Variants in GRK3 observed in about 807,000 individuals in gnomAD.
The protein encoded by GRK3 is G protein-coupled receptor kinase 3.
Under a neutral mutation model 95.7 loss-of-function variants are expected in GRK3, and 54 were observed. The observed-to-expected ratio is 0.56, with a 90% CI of 0.45 to 0.71. The LOEUF (loss-of-function observed/expected upper bound fraction) is 0.71. Ranked by LOEUF, GRK3 falls within the 30% of genes least tolerant of loss-of-function variation. GRK3 has a pLI of 0.00. For synonymous variants in GRK3, 281 were observed against 290.8 expected, an observed-to-expected ratio of 0.97 and a Z score of 0.34; for missense variants, 649 against 851.2, an observed-to-expected ratio of 0.76 and a Z score of 2.96.
At chr22:25,721,051 C>T (rs1302572747) in intron 19 of GRK3, among the ~76,000 whole-genome samples, 4 of 152,144 alleles carry the variant, frequency 2.6e-5, no homozygotes, top group Admixed American at 6.6e-5. Context: ...ACAGCTTTGC[C>T]GTTTTTCCCT....
At chr22:25,648,475 TG>T in intron 3 of GRK3, 2 of 1,369,798 alleles carry the variant, frequency 1.5e-6, no homozygotes, top group Non-Finnish European at 2.1e-6. Flanking sequence ...TTTGGCAAAG[TG>T]TGGATGGGAA....
intron 6 of GRK3, among the ~76,000 whole-genome samples, chr22:25,670,483 A>AGAGT (rs2084972068): frequency 6.6e-6 from 1 of 152,046 alleles, no homozygotes; most frequent in African/African-American, 2.4e-5. Flanking sequence ...CCTGGGACAC[A>AGAGT]GAGTGAGACC....
intron 8 of GRK3, among the ~76,000 whole-genome samples, chr22:25,677,747 T>A (rs2085043160): frequency 6.6e-6 from 1 of 152,226 alleles, no homozygotes; most frequent in Non-Finnish European, 1.5e-5. Context: ...CTGAAGGAAG[T>A]AGTCCATCAT....
At chr22:25,706,685 C>T (rs1032320536) in intron 15 of GRK3, among the ~76,000 whole-genome samples, 2 of 152,132 alleles carry the variant, frequency 1.3e-5, no homozygotes, top group African/African-American at 4.8e-5. Context: ...TGTGCACCAC[C>T]ACGCCCAGCT....
At chr22:25,688,212 G>A (rs2085136644) in intron 11 of GRK3, among the ~76,000 whole-genome samples, 1 of 133,052 alleles carries the variant, frequency 7.5e-6, no homozygotes, top group Admixed American at 8.9e-5. Flanking sequence ...CTCCAGCCTG[G>A]ACAACAGAGC....
At chr22:25,595,071 A>G (rs2084363242) in intron 1 of GRK3, among the ~76,000 whole-genome samples, 1 of 152,198 alleles carries the variant, frequency 6.6e-6, no homozygotes, top group Non-Finnish European at 1.5e-5. Flanking sequence ...ATCATATTGA[A>G]TGAGCAAAAG....
At chr22:25,660,564 C>T (rs1025299817) in intron 3 of GRK3, among the ~76,000 whole-genome samples, 1 of 152,128 alleles carries the variant, frequency 6.6e-6, no homozygotes, top group Non-Finnish European at 1.5e-5. Flanking sequence ...CTTTTTCCCT[C>T]ACCTGCATGA....
rs2084757595 is a variant in GRK3 at position 25,643,394 on chromosome 22, T to C, written c.191-1198T>C. 3.9e-5 allele frequency among the ~76,000 whole-genome samples: 6 copies of C among 152,334 alleles called. No homozygotes were observed. In the South Asian group the frequency reaches 1.0e-3, roughly 26 times the overall value. On this transcript the variant is annotated intron_variant, in intron 2 of 20. Transcript: ENST00000324198. ...TTCAAAGGCCACGTTCCGGGAACTA[T>C]GAGGGGAATTTATGGATCAGTTACA... is the stretch of plus-strand genomic sequence containing the variant.
At chr22:25,588,016 C>T (rs1932373611) in intron 1 of GRK3, among the ~76,000 whole-genome samples, 1 of 152,174 alleles carries the variant, frequency 6.6e-6, no homozygotes, top group African/African-American at 2.4e-5. Context: ...CCAGGCTGGT[C>T]TCAAACTCCT....
At chr22:25,657,247 AT>A (rs1159532237) in intron 3 of GRK3, among the ~76,000 whole-genome samples, 1 of 152,146 alleles carries the variant, frequency 6.6e-6, no homozygotes, top group East Asian at 1.9e-4. Flanking sequence ...ATCTCTTTTG[AT>A]TTTATATCTA....
intron 11 of GRK3, among the ~76,000 whole-genome samples, chr22:25,689,183 G>A (rs894893105): frequency 1.3e-4 from 20 of 151,656 alleles, no homozygotes; most frequent in Admixed American, 1.3e-3. Context: ...GAAGAAAAAT[G>A]TATTTTTATT....
At chr22:25,714,654 G>A (rs983460047) in intron 18 of GRK3, 84 bp downstream of exon 18, 27 of 1,337,294 alleles carry the variant, frequency 2.0e-5, no homozygotes, top group South Asian at 3.1e-5. Context: ...TATTTGGGTC[G>A]TAAGGTATTT....
intron 12 of GRK3, among the ~76,000 whole-genome samples, chr22:25,694,139 G>A (rs879755833): frequency 3.3e-5 from 5 of 152,150 alleles, no homozygotes; most frequent in South Asian, 2.1e-4. Flanking sequence ...TCCCCAACAC[G>A]AATCCAGTGG....
chr22:25,627,872 G>A (rs1235882312), intron 2 of GRK3, among the ~76,000 whole-genome samples: 1 of 152,176 alleles, frequency 6.6e-6, no homozygotes, highest in African/African-American at 2.4e-5. Flanking sequence ...AAGGAGCCAG[G>A]AACAGACACA....
At chr22:25,710,935 T>C (rs774190245) in intron 16 of GRK3, 133 bp from the exon 17 acceptor site, 31 of 458,960 alleles carry the variant, frequency 6.8e-5, no homozygotes, top group Non-Finnish European at 1.0e-4. Context: ...TGTGATTTGT[T>C]ACAAGTTTGA....
rs2146482250 is a variant in GRK3 at position 25,725,275 on chromosome 22, T to G, written c.*2825T>G. 3.1e-6 allele frequency: 1 copy of G among 318,968 alleles called. No homozygotes were observed. Among genetic ancestry groups the G allele is most frequent in the East Asian group, 4.8e-5 (1 of 20,698 alleles). The allele number at this position is 318,968 out of a possible 1,614,324, so 19.8% of individuals were successfully genotyped here. On this transcript the variant is annotated 3_prime_UTR_variant, in exon 21 of 21. Transcript: ENST00000324198. Reference sequence around the variant, plus strand: ...TTTTAGATTCCTGTGGTTGGGATATTTTAACATTGATGAGAAAAATAATTG... The same window carrying G: ...TTTTAGATTCCTGTGGTTGGGATATGTTAACATTGATGAGAAAAATAATTG...
intron 9 of GRK3, among the ~76,000 whole-genome samples, chr22:25,684,117 C>T (rs1235895557): frequency 6.6e-6 from 1 of 152,190 alleles, no homozygotes; most frequent in Non-Finnish European, 1.5e-5. Context: ...ATAGACCTTC[C>T]TTTCCCCAGG....
At chr22:25,633,195 G>A (rs2084676656) in intron 2 of GRK3, among the ~76,000 whole-genome samples, 1 of 152,152 alleles carries the variant, frequency 6.6e-6, no homozygotes, top group African/African-American at 2.4e-5. Context: ...AGGATTACAG[G>A]TGTGAGCCAC....
At chr22:25,702,505 A>G (rs1284863240) in intron 13 of GRK3, among the ~76,000 whole-genome samples, 1 of 152,244 alleles carries the variant, frequency 6.6e-6, no homozygotes, top group Non-Finnish European at 1.5e-5. Flanking sequence ...TTATAAGAAA[A>G]GTCAATCATA....
Sources: gnomAD v4.1 joint callset for allele counts (sites outside exome capture counted in the v4.1 genomes callset) on GRCh38, gnomAD v4.1.1 for gene constraint, MANE v1.5 for transcripts, NCBI Gene and HGNC (gene_info 2026-07-23, HGNC 2026-07-21) for gene names.